LRBA: variants seen among roughly 807,000 people sequenced by gnomAD.
LRBA encodes the protein LPS responsive beige-like anchor protein.
A neutral mutation model predicts 330.0 loss-of-function variants in LRBA; 176 were observed. The ratio of observed to expected loss-of-function variants is 0.53; its 90% CI spans 0.47 to 0.60. The LOEUF (loss-of-function observed/expected upper bound fraction) is 0.60. LRBA is among the 20% of genes least tolerant of loss of function. The pLI is 0.00. For synonymous variants in LRBA, 1,230 were observed against 1,193.0 expected, an observed-to-expected ratio of 1.03 and a Z score of -0.64; for missense variants, 3,259 against 3,444.8, an observed-to-expected ratio of 0.95 and a Z score of 1.35.
At chr4:150,481,018 C>G (rs746341027) in intron 42 of LRBA, among the ~76,000 whole-genome samples, 1 of 152,130 alleles carries the variant, frequency 6.6e-6, no homozygotes, top group African/African-American at 2.4e-5. Context: ...CCTCGAGTAT[C>G]CACTGTTCTA....
intron 22 of LRBA, among the ~76,000 whole-genome samples, chr4:150,866,918 T>G (rs2126983616): frequency 6.6e-6 from 1 of 151,934 alleles, no homozygotes; most frequent in Admixed American, 6.6e-5. Context: ...ATACACGTAG[T>G]AAAGGTATAG....
At chr4:150,428,270 T>TAATG (rs1749906045) in intron 46 of LRBA, among the ~76,000 whole-genome samples, 1 of 152,068 alleles carries the variant, frequency 6.6e-6, no homozygotes, top group Non-Finnish European at 1.5e-5. Flanking sequence ...CACTCACCAC[T>TAATG]AATGATGCAC....
At chr4:150,547,210 T>G (rs182821795) in intron 40 of LRBA, among the ~76,000 whole-genome samples, 1 of 152,292 alleles carries the variant, frequency 6.6e-6, no homozygotes, top group African/African-American at 2.4e-5. Flanking sequence ...TATTAGGTTA[T>G]TTTTTAGAAT....
Position 150,583,038 on chromosome 4 carries a change from C to T in LRBA, c.6330+5010G>A, listed in dbSNP as rs1771603600. On this transcript the variant is annotated intron_variant, in intron 40 of 56. Coordinates refer to ENST00000651943, the MANE Select transcript of LRBA (RefSeq NM_001364905.1). The surrounding 1 kb of genome is among the most constrained non-coding windows in gnomAD (Gnocchi z 9.8). The stretch of plus-strand genomic sequence containing the variant: ...CGGACCTGTGCCCCAACATGATCGC[C>T]GCTCAGGCCAAGCTGGTTTACCAGC... The T allele has an allele frequency of 6.3e-7, 1 of 1,593,222 alleles. No individual in the cohort carries two copies. Among genetic ancestry groups the T allele is most frequent in the Non-Finnish European group, 8.6e-7 (1 of 1,168,012 alleles).
At chr4:150,328,377 A>G (rs1247045371) in intron 48 of LRBA, among the ~76,000 whole-genome samples, 1 of 152,160 alleles carries the variant, frequency 6.6e-6, no homozygotes, top group East Asian at 1.9e-4. Flanking sequence ...TCATTCATAT[A>G]AAAGAGAAAT....
chr4:151,004,993 AAAAG>A (rs1469418055), intron 2 of LRBA, among the ~76,000 whole-genome samples: 9 of 152,198 alleles, frequency 5.9e-5, no homozygotes, highest in African/African-American at 1.4e-4. Flanking sequence ...TTCGACTCAA[AAAAG>A]AAAGAAAGAA....
Position 150,872,730 on chromosome 4 carries a change from T to C in LRBA, c.2191A>G (p.Lys731Glu), listed in dbSNP as rs748148573. 1.2e-6 allele frequency: 2 copies of C among 1,604,744 alleles called. No homozygotes were observed. The highest frequency in any genetic ancestry group is 1.7e-6 in the Non-Finnish European group (2 of 1,174,614). ...GCTTGTACCCTGATTCCTTCACTTT[T>C]CGATGCCAGAAGTTTGTAGATAACA... is the stretch of plus-strand genomic sequence containing the variant. Reference protein sequence around the residue: ...LRVIYKLLASKSEGIRVQALK... With the variant: ...LRVIYKLLASESEGIRVQALK... The change falls in exon 18 of 57, where the codon AAA (lysine) becomes GAA (glutamate). Residue 731 changes from lysine to glutamate, a missense_variant. Transcript: ENST00000651943.
intron 36 of LRBA, among the ~76,000 whole-genome samples, chr4:150,696,414 C>G (rs954469479): frequency 2.6e-5 from 4 of 152,210 alleles, no homozygotes; most frequent in Admixed American, 6.5e-5. Context: ...TTATTTGAAA[C>G]CCTGTGCCTC....
At chr4:150,993,560 T>G (rs72963642) in intron 2 of LRBA, among the ~76,000 whole-genome samples, 8,849 of 152,172 alleles carry the variant, frequency 0.058, 779 homozygotes, top group African/African-American at 0.2. Context: ...TTCATGCTAT[T>G]GATAAAGACA....
intron 36 of LRBA, among the ~76,000 whole-genome samples, chr4:150,722,784 A>T (rs551720881): frequency 6.6e-6 from 1 of 151,924 alleles, no homozygotes. Flanking sequence ...TTTTAACTTC[A>T]TATCATGGAA....
At chr4:150,999,724 C>A (rs76360289) in intron 2 of LRBA, among the ~76,000 whole-genome samples, 9 of 148,128 alleles carry the variant, frequency 6.1e-5, no homozygotes, top group Admixed American at 3.3e-4. Flanking sequence ...AAAAAAAAAA[C>A]AATTTCAGGT....
intron 37 of LRBA, among the ~76,000 whole-genome samples, chr4:150,667,802 A>G (rs554889884): frequency 6.6e-6 from 1 of 152,332 alleles, no homozygotes; most frequent in East Asian, 1.9e-4. Context: ...ACCAGATCAC[A>G]GACTTCCAGC....
chr4:150,501,565 T>A (rs976131630), intron 40 of LRBA, among the ~76,000 whole-genome samples: 6 of 151,664 alleles, frequency 4.0e-5, no homozygotes, highest in Admixed American at 3.9e-4. Context: ...TGAGCCAAGG[T>A]CGTGCCACTG....
chr4:150,866,669 G>A (rs1283630112), intron 22 of LRBA, among the ~76,000 whole-genome samples: 2 of 152,094 alleles, frequency 1.3e-5, no homozygotes, highest in African/African-American at 4.8e-5. Flanking sequence ...AGGAATATAT[G>A]CAGAAAATTC....
intron 40 of LRBA, among the ~76,000 whole-genome samples, chr4:150,502,216 C>T (rs1760377055): frequency 6.6e-6 from 1 of 152,198 alleles, no homozygotes; most frequent in African/African-American, 2.4e-5. Flanking sequence ...ATGTAAAAAT[C>T]TCATGATTCA....
intron 52 of LRBA, among the ~76,000 whole-genome samples, chr4:150,307,931 A>T (rs1489478682): frequency 6.6e-6 from 1 of 152,212 alleles, no homozygotes; most frequent in Non-Finnish European, 1.5e-5. Flanking sequence ...AAACCATGTC[A>T]TCAATTCCAT....
chr4:150,956,690 A>G (rs1278948147), intron 2 of LRBA, among the ~76,000 whole-genome samples: 2 of 149,316 alleles, frequency 1.3e-5, no homozygotes, highest in Non-Finnish European at 2.9e-5. Flanking sequence ...TGACTAAATG[A>G]GATTTATTCC....
intron 34 of LRBA, among the ~76,000 whole-genome samples, chr4:150,784,594 T>C (rs1325795197): frequency 6.6e-6 from 1 of 152,170 alleles, no homozygotes; most frequent in Non-Finnish European, 1.5e-5. Context: ...CCTATGCAAA[T>C]CAGACACCAC....
chr4:150,278,739 A>C (rs747546690), intron 55 of LRBA, among the ~76,000 whole-genome samples: 34 of 152,124 alleles, frequency 2.2e-4, no homozygotes, highest in Non-Finnish European at 4.4e-4. Context: ...TGTTTCATAT[A>C]ATTGTTTAAC....
Sources: gnomAD v4.1 joint callset for allele counts (sites outside exome capture counted in the v4.1 genomes callset) on GRCh38, gnomAD v4.1.1 for gene constraint, Gnocchi (gnomAD v3.1) non-coding constraint, MANE v1.5 for transcripts, NCBI Gene and HGNC (gene_info 2026-07-23, HGNC 2026-07-21) for gene names.